The following CLUL1 variants were observed in gnomAD, a reference collection of about 807,000 sequenced individuals.
CLUL1 encodes clusterin like 1.
Under a neutral mutation model 49.4 loss-of-function variants are expected in CLUL1, and 43 were observed. The ratio of observed to expected loss-of-function variants is 0.87; its 90% CI spans 0.68 to 1.12. CLUL1 has a LOEUF of 1.12. CLUL1 is among the 50% of genes most tolerant of loss of function. The pLI is 0.00. For synonymous variants in CLUL1, 192 were observed against 184.9 expected, an observed-to-expected ratio of 1.04 and a Z score of -0.31; for missense variants, 486 against 544.4, an observed-to-expected ratio of 0.89 and a Z score of 1.07.
intron 1 of CLUL1, among the ~76,000 whole-genome samples, chr18:603,929 G>A (rs1480830380): frequency 6.6e-6 from 1 of 152,170 alleles, no homozygotes; most frequent in East Asian, 1.9e-4. Flanking sequence ...CACCCAGGCT[G>A]GAGTGCAGTG....
intron 1 of CLUL1, among the ~76,000 whole-genome samples, chr18:603,657 C>T (rs969044943): frequency 6.6e-6 from 1 of 152,084 alleles, no homozygotes; most frequent in Non-Finnish European, 1.5e-5. Flanking sequence ...TAGATGCACT[C>T]GTGTGTGTGT....
intron 5 of CLUL1, among the ~76,000 whole-genome samples, chr18:626,826 A>G (rs1823344823): frequency 6.9e-6 from 1 of 144,522 alleles, no homozygotes; most frequent in South Asian, 2.3e-4. Context: ...GTGCCATTGC[A>G]CTCCAGCCTG....
At chr18:632,150 G>A (rs1049177233) in intron 6 of CLUL1, among the ~76,000 whole-genome samples, 7 of 152,130 alleles carry the variant, frequency 4.6e-5, no homozygotes, top group Admixed American at 2.0e-4. Context: ...ATTGGGAACC[G>A]CCAATTTTCT....
chr18:625,695 C>T (rs944603531), intron 5 of CLUL1, among the ~76,000 whole-genome samples: 9 of 152,118 alleles, frequency 5.9e-5, no homozygotes, highest in East Asian at 1.9e-4. Flanking sequence ...GCCCCACTAA[C>T]GGCTCCAATT....
Position 633,329 on chromosome 18 carries a change from GT to G in CLUL1, c.890del (p.Leu297TyrfsTer47), listed in dbSNP as rs1328050274. On this transcript the variant is annotated frameshift_variant, in exon 7 of 10. Transcript: ENST00000692774. LOFTEE classifies it high-confidence loss of function. ...ACCACGGAGGCCTGATTTCAAAGAT[GT>G]TACCTGGGCAGGACAGAGGACTGTG... ...PDHGGLISKM[L>X]PGQDRGLCGE... The G allele has an allele frequency of 1.9e-6, 3 of 1,613,250 alleles. No homozygotes were observed. In the African/African-American group the frequency reaches 4.0e-5, roughly 22 times the overall value.
Position 607,111 on chromosome 18 carries a change from T to C in CLUL1, c.-14+12T>C, listed in dbSNP as rs750388510. The C allele has an allele frequency of 1.4e-6, 1 of 701,904 alleles. No homozygotes were observed. Among genetic ancestry groups the C allele is most frequent in the South Asian group, 1.5e-5 (1 of 67,548 alleles). The allele number at this position is 701,904 out of a possible 1,614,324, so 43.5% of individuals were successfully genotyped here. ...ACCTGGGACTACAGGTATGCACCGC[T>C]ATACCCGTCTATCTTTTATTTATTT... is the stretch of plus-strand genomic sequence containing the variant. On this transcript the variant is annotated intron_variant, in intron 2 of 9. Transcript: ENST00000692774.
intron 6 of CLUL1, among the ~76,000 whole-genome samples, chr18:631,399 C>T (rs11665418): frequency 0.1 from 15,409 of 152,156 alleles, 955 homozygotes; most frequent in East Asian, 0.29. Flanking sequence ...GGTTCTAATG[C>T]TGCCTTAGAG....
At chr18:629,908 G>C (rs2073939637) in intron 6 of CLUL1, among the ~76,000 whole-genome samples, 1 of 152,132 alleles carries the variant, frequency 6.6e-6, no homozygotes, top group African/African-American at 2.4e-5. Context: ...TGGACAGGTA[G>C]TTGGTGAGGA....
intron 1 of CLUL1, among the ~76,000 whole-genome samples, chr18:604,934 G>T (rs544752401): frequency 1.3e-5 from 2 of 152,342 alleles, no homozygotes; most frequent in South Asian, 4.1e-4. Flanking sequence ...CAGTGCGTAT[G>T]TGGGACCTTC....
Position 606,892 on chromosome 18 carries a change from A to C in CLUL1, c.-135-86A>C, listed in dbSNP as rs778679029. On this transcript the variant is annotated intron_variant, in intron 1 of 9. Transcript: ENST00000692774. The surrounding 1 kb of genome is among the most constrained non-coding windows in gnomAD (Gnocchi z 4.1). ...CAAGGCCAGTTCACCCTCAGTGCTC[A>C]CTACTTTGCAGTGTTCATAGAATAT... is the stretch of plus-strand genomic sequence containing the variant. 1.3e-5 allele frequency: 7 copies of C among 551,216 alleles called. No homozygotes were observed. Among genetic ancestry groups the C allele is most frequent in the Non-Finnish European group, 2.3e-5 (7 of 310,562 alleles). The allele number at this position is 551,216 out of a possible 1,614,324, so 34.1% of individuals were successfully genotyped here. A position where few individuals can be genotyped will look rare whatever the true frequency, so the allele number is the denominator to read the frequency against.
chr18:647,665 G>T (rs1598453191), intron 9 of CLUL1, among the ~76,000 whole-genome samples: 1 of 152,158 alleles, frequency 6.6e-6, no homozygotes, highest in East Asian at 1.9e-4. Context: ...GGAGAGTCTT[G>T]GTTGACAGTC....
At chr18:610,481 A>G (rs2073102310) in intron 2 of CLUL1, among the ~76,000 whole-genome samples, 1 of 152,108 alleles carries the variant, frequency 6.6e-6, no homozygotes. Flanking sequence ...AACTGTTGAA[A>G]CTGAAATCCC....
intron 2 of CLUL1, chr18:614,475 C>G (rs1013423545): frequency 6.6e-6 from 1 of 152,216 alleles, no homozygotes; most frequent in Non-Finnish European, 1.5e-5. Context: ...TGTTTTACTT[C>G]TCTTATGCAT....
intron 5 of CLUL1, among the ~76,000 whole-genome samples, chr18:625,915 C>T (rs959940036): frequency 2.0e-5 from 3 of 152,168 alleles, no homozygotes; most frequent in African/African-American, 7.2e-5. Flanking sequence ...TTTAGAGCTA[C>T]TGTCGCCTGC....
At chr18:608,781 G>T (rs961085231) in intron 2 of CLUL1, among the ~76,000 whole-genome samples, 2 of 152,156 alleles carry the variant, frequency 1.3e-5, no homozygotes, top group Non-Finnish European at 2.9e-5. Context: ...TGTCTCCTTT[G>T]GCCTGGGTCT....
chr18:607,012 A>G lies in CLUL1; in HGVS notation c.-101A>G. The G allele has an allele frequency of 1.5e-6, 1 of 684,644 alleles. No homozygotes were observed. Among genetic ancestry groups the G allele is most frequent in the Admixed American group, 2.1e-5 (1 of 47,046 alleles). 42.4% of individuals were successfully genotyped at this position (684,644 alleles called of 1,614,324 possible). Reference sequence around the variant, plus strand: ...CCTCTCGGTTGCCAGGCTGGAGTTCAGTGGCATGTTCATAGCTCACTGAAG... The same window carrying G: ...CCTCTCGGTTGCCAGGCTGGAGTTCGGTGGCATGTTCATAGCTCACTGAAG... On this transcript the variant is annotated 5_prime_UTR_variant, in exon 2 of 10. Coordinates refer to ENST00000692774, the MANE Select transcript of CLUL1 (RefSeq NM_001393344.1).
At chr18:612,847 T>C in intron 2 of CLUL1, 1 of 155,392 alleles carries the variant, frequency 6.4e-6, no homozygotes, top group East Asian at 1.8e-4. Context: ...GAGTGCCTGA[T>C]ACATTTGCCG....
intron 7 of CLUL1, among the ~76,000 whole-genome samples, chr18:634,246 C>T (rs2074076109): frequency 6.6e-6 from 1 of 152,154 alleles, no homozygotes; most frequent in African/African-American, 2.4e-5. Context: ...TCTCCTGCCT[C>T]AGCCTGCCAA....
chr18:631,761 G>C (rs1271626531), intron 6 of CLUL1, among the ~76,000 whole-genome samples: 2 of 152,160 alleles, frequency 1.3e-5, no homozygotes, highest in African/African-American at 4.8e-5. Context: ...GGCAGAAGAA[G>C]GTATGGAAGA....
Sources: gnomAD v4.1 joint callset for allele counts (sites outside exome capture counted in the v4.1 genomes callset) on GRCh38, gnomAD v4.1.1 for gene constraint, Gnocchi (gnomAD v3.1) non-coding constraint, MANE v1.5 for transcripts, NCBI Gene and HGNC (gene_info 2026-07-23, HGNC 2026-07-21) for gene names.